PLSCR5: variants seen among roughly 807,000 people sequenced by gnomAD.
PLSCR5 encodes the protein phospholipid scramblase family member 5, also known as phospholipid scramblase family, member 5.
PLSCR5 carries 44 observed loss-of-function variants against 33.6 expected under a neutral mutation model. That is an observed-to-expected ratio of 1.31 (90% CI 1.03 to 1.69). The LOEUF is 1.69. Ranked by LOEUF, PLSCR5 falls within the 40% of genes most tolerant of loss-of-function variation. The pLI, the probability that PLSCR5 is intolerant of heterozygous loss-of-function variation, is 0.00. For missense variants in PLSCR5, 375 were observed against 318.7 expected (o/e 1.18, Z -1.34); for synonymous variants, 148 against 112.3 (o/e 1.32, Z -2.01).
At chr3:146,602,834 A>C (rs1269067756) in intron 1 of PLSCR5, among the ~76,000 whole-genome samples, 1 of 152,096 alleles carries the variant, frequency 6.6e-6, no homozygotes, top group East Asian at 1.9e-4. Context: ...TAGACTTCAC[A>C]GCAAGTCCAG....
chr3:146,600,614 CATT>C lies in PLSCR5; in HGVS notation c.14-154_14-152del, dbSNP rs1026404628. Among the ~76,000 whole-genome samples, 46 of 152,082 alleles carry C rather than the reference CATT, an allele frequency of 3.0e-4. 1 individual carries two copies. The highest frequency in any genetic ancestry group is 2.4e-3 in the Admixed American group (36 of 15,264). On this transcript the variant is annotated intron_variant, in intron 1 of 7. Transcript: ENST00000443512. ...TTTCCTTCTTTTCACTACTCACTGC[CATT>C]ATTACTTGTCCCCTAAGTTAGAAAA...
Position 146,595,665 on chromosome 3 carries a change from C to T in PLSCR5, c.190-582G>A, listed in dbSNP as rs148270317. Among the ~76,000 whole-genome samples, 60 of 152,078 alleles carry T rather than the reference C, an allele frequency of 3.9e-4. No individual in the cohort carries two copies. In the East Asian group the frequency reaches 9.7e-3, roughly 24 times the overall value. On this transcript the variant is annotated intron_variant, in intron 2 of 7. Coordinates refer to ENST00000443512, the MANE Select transcript of PLSCR5 (RefSeq NM_001085420.2). ...GACAGAACTAACTCTGTGTTAACTC[C>T]GCAATAATGAGAAAATTAGAGTAGA...
intron 2 of PLSCR5, among the ~76,000 whole-genome samples, chr3:146,599,590 T>C (rs569847533): frequency 2.7e-4 from 41 of 152,070 alleles, no homozygotes; most frequent in Middle Eastern, 3.4e-3. Context: ...GTGCTTTTTA[T>C]ATGTCTCTAG....
In PLSCR5 at chr3:146,605,180, T is replaced by C; in HGVS notation, c.13+20A>G. On this transcript the variant is annotated intron_variant, in intron 1 of 7. Transcript: ENST00000443512. ...TCTTAATATAAGAAAAAGTTATTAGTTGGTTATATTTACTCTTACCTTTAG... is the reference window on the plus strand; with the variant it reads ...TCTTAATATAAGAAAAAGTTATTAGCTGGTTATATTTACTCTTACCTTTAG... 1 of 1,602,884 alleles carries C rather than the reference T, an allele frequency of 6.2e-7. No individual in the cohort carries two copies. Among genetic ancestry groups the C allele is most frequent in the Non-Finnish European group, 8.5e-7 (1 of 1,172,120 alleles).
chr3:146,578,387 T>C (rs1214745515), intron 7 of PLSCR5, among the ~76,000 whole-genome samples: 1 of 152,244 alleles, frequency 6.6e-6, no homozygotes, highest in East Asian at 1.9e-4. Flanking sequence ...CCTTTCTAAA[T>C]AGAAAGAGTA....
At chr3:146,583,917 A>G (rs950961550), downstream of PLSCR5, among the ~76,000 whole-genome samples, 1 of 152,194 alleles carries the variant, frequency 6.6e-6, no homozygotes, top group Non-Finnish European at 1.5e-5. Context: ...TGTTGCTGCT[A>G]TGACATCAGT....
At chr3:146,601,995 A>G (rs2044820282) in intron 1 of PLSCR5, among the ~76,000 whole-genome samples, 1 of 152,038 alleles carries the variant, frequency 6.6e-6, no homozygotes, top group Non-Finnish European at 1.5e-5. Flanking sequence ...AGGGCCATTA[A>G]GTTTGTACTG....
At chr3:146,578,915 T>C (rs1169207769) in intron 7 of PLSCR5, among the ~76,000 whole-genome samples, 1 of 152,070 alleles carries the variant, frequency 6.6e-6, no homozygotes, top group Admixed American at 6.6e-5. Context: ...AGTCATAAAA[T>C]AGAGGCTCAG....
At chr3:146,599,443 T>G (rs910145416) in intron 2 of PLSCR5, among the ~76,000 whole-genome samples, 3 of 152,022 alleles carry the variant, frequency 2.0e-5, no homozygotes, top group Non-Finnish European at 4.4e-5. Context: ...CTCTCTCTCC[T>G]CTATACACCT....
At position 146,594,090 on chromosome 3, in the gene PLSCR5, C is replaced by T. The variant is rs751159452; in HGVS notation, c.283G>A (p.Gly95Arg). Residue 95 changes from glycine to arginine, a missense_variant, in exon 4 of 8, where the codon GGA becomes AGA. Coordinates refer to ENST00000443512, the MANE Select transcript of PLSCR5 (RefSeq NM_001085420.2). ...TCCACTGCAAAGTAAATTCTTTGTC[C>T]CAAGCTGTTTTTAATCTCATATTTG... ...SNKYEIKNSL[G>R]QRIYFAVEES... The T allele has an allele frequency of 9.3e-6, 15 of 1,613,656 alleles. No individual in the cohort carries two copies. The highest frequency in any genetic ancestry group is 1.3e-5 in the African/African-American group (1 of 74,958).
chr3:146,605,145 A>G (rs893670381), intron 1 of PLSCR5, 55 bp downstream of exon 1: 1 of 1,529,840 alleles, frequency 6.5e-7, no homozygotes, highest in African/African-American at 1.4e-5. Flanking sequence ...CCACAATTGT[A>G]TATTTTTAGT....
chr3:146,600,512 ATTTAGTCC>A (rs746027072), intron 1 of PLSCR5, 49 bp from the exon 2 acceptor site: 1 of 1,460,204 alleles, frequency 6.8e-7, no homozygotes, highest in African/African-American at 1.4e-5. Flanking sequence ...AGGCCATTTT[ATTTAGTCC>A]TTCTTAAAGT....
At chr3:146,601,819 A>G (rs895429881) in intron 1 of PLSCR5, among the ~76,000 whole-genome samples, 3 of 152,164 alleles carry the variant, frequency 2.0e-5, no homozygotes, top group Non-Finnish European at 4.4e-5. Context: ...ATAAATTCTA[A>G]AAATGAATTG....
At position 146,595,099 on chromosome 3, in the gene PLSCR5, TA is replaced by T; in HGVS notation, c.190-17del. ...TCAGGTCTAACTGTAAAGGATGACA[TA>T]AAAGGAAATAAAAAGTATTAACATC... On this transcript the variant is annotated splice_polypyrimidine_tract_variant and intron_variant, in intron 2 of 7. Transcript: ENST00000443512. 1 of 1,367,800 alleles carries T rather than the reference TA, an allele frequency of 7.3e-7. No individual in the cohort carries two copies. Among genetic ancestry groups the T allele is most frequent in the Non-Finnish European group, 9.6e-7 (1 of 1,040,146 alleles). 84.7% of individuals were successfully genotyped at this position (1,367,800 alleles called of 1,614,324 possible).
At position 146,585,930 on chromosome 3, in the gene PLSCR5, G is replaced by C. The variant is rs946263435; in HGVS notation, c.*57C>G. The C allele has an allele frequency of 1.2e-6, 1 of 845,626 alleles. No homozygotes were observed. Among genetic ancestry groups the C allele is most frequent in the African/African-American group, 1.8e-5 (1 of 54,716 alleles). 52.4% of individuals were successfully genotyped at this position (845,626 alleles called of 1,614,324 possible). A position where few individuals can be genotyped will look rare whatever the true frequency, so the allele number is the denominator to read the frequency against. On this transcript the variant is annotated 3_prime_UTR_variant, in exon 8 of 8. Transcript: ENST00000443512. The stretch of plus-strand genomic sequence containing the variant: ...AAACCATTCAGAAATGAAATCCAGA[G>C]CCCAAGGGATTTCTAGAAGAAAATG...
At position 146,591,852 on chromosome 3, in the gene PLSCR5, T is replaced by C; in HGVS notation, c.483A>G (p.Ile161Met). Reference sequence around the variant, plus strand: ...CCCACTTCTGCGTAACGTAACCAACTATAGTACCAGGAGGGGCTTGGATTT... The same window carrying C: ...CCCACTTCTGCGTAACGTAACCAACCATAGTACCAGGAGGGGCTTGGATTT... ...ELEIQAPPGT[I>M]VGYVTQKWDP... The change falls in exon 5 of 8, where the codon ATA becomes ATG. Residue 161 changes from isoleucine to methionine, a missense_variant. Physicochemically the swap from Ile to Met is conservative, Grantham distance 10. Coordinates refer to ENST00000443512, the MANE Select transcript of PLSCR5 (RefSeq NM_001085420.2). 2.5e-6 allele frequency: 4 copies of C among 1,610,950 alleles called. No homozygotes were observed. The highest frequency in any genetic ancestry group is 3.4e-6 in the Non-Finnish European group (4 of 1,178,252).
chr3:146,584,667 CT>C (rs149765512), downstream of PLSCR5, among the ~76,000 whole-genome samples: 1,688 of 152,112 alleles, frequency 0.011, 29 homozygotes, highest in African/African-American at 0.038. Flanking sequence ...GAAAAAGAAA[CT>C]GAAGAATACT....
chr3:146,591,465 G>A (rs898572513), intron 5 of PLSCR5, among the ~76,000 whole-genome samples: 1 of 151,708 alleles, frequency 6.6e-6, no homozygotes, highest in East Asian at 1.9e-4. Flanking sequence ...TACTTACACT[G>A]GTCTATGACA....
chr3:146,600,465 T>A lies in PLSCR5; in HGVS notation c.14-2A>T, dbSNP rs1259421085. The A allele has an allele frequency of 6.4e-7, 1 of 1,570,460 alleles. No homozygotes were observed. The highest frequency in any genetic ancestry group is 2.3e-5 in the East Asian group (1 of 42,912). On this transcript the variant is annotated splice_acceptor_variant, in intron 1 of 7. Transcript: ENST00000443512. LOFTEE classifies it high-confidence loss of function. ...GACCTCTTCTTTGGTTCTGGGCATC[T>A]GCAAGAGAATGGAAATCCCAATCCA...
Sources: allele counts gnomAD v4.1 joint callset (sites outside exome capture counted in the v4.1 genomes callset), GRCh38; gene constraint gnomAD v4.1.1; transcripts MANE v1.5; gene names NCBI Gene and HGNC (gene_info 2026-07-23, HGNC 2026-07-21).